Variants in PTPRD observed in about 807,000 individuals in gnomAD.
PTPRD encodes the protein protein tyrosine phosphatase receptor type D.
In PTPRD, 34 loss-of-function variants were observed where a neutral mutation model predicts 214.5. The observed-to-expected ratio is 0.16, with a 90% CI of 0.12 to 0.21. The LOEUF (loss-of-function observed/expected upper bound fraction) is 0.21, where lower values mean the gene tolerates loss of function less well. Ranked by LOEUF, PTPRD falls within the 10% of genes least tolerant of loss-of-function variation. PTPRD has a pLI of 1.00. For missense variants in PTPRD, 2,545 were observed against 2,398.7 expected, an observed-to-expected ratio of 1.06 and a Z score of -1.27; for synonymous variants, 1,128 against 845.7, an observed-to-expected ratio of 1.33 and a Z score of -5.79.
chr9:10,361,023 A>AAC (rs2097374624), intron 2 of PTPRD, among the ~76,000 whole-genome samples: 2 of 152,124 alleles, frequency 1.3e-5, no homozygotes, highest in Non-Finnish European at 2.9e-5. Context: ...AATGGCGTGA[A>AAC]CACGGGAGGC....
intron 11 of PTPRD, among the ~76,000 whole-genome samples, chr9:9,012,597 C>G (rs757353264): frequency 6.6e-5 from 10 of 152,114 alleles, no homozygotes; most frequent in Non-Finnish European, 2.9e-5. Flanking sequence ...AAACTATTTG[C>G]AATGTCTAAT....
intron 11 of PTPRD, among the ~76,000 whole-genome samples, chr9:8,807,721 G>C (rs2096716073): frequency 6.6e-6 from 1 of 151,544 alleles, no homozygotes; most frequent in Non-Finnish European, 1.5e-5. Flanking sequence ...CGTCTTTCAT[G>C]GTTATTCAGA....
intron 4 of PTPRD, among the ~76,000 whole-genome samples, chr9:9,969,378 A>G (rs896419928): frequency 2.0e-5 from 3 of 152,088 alleles, no homozygotes; most frequent in Admixed American, 2.0e-4. Flanking sequence ...ACTCCCACCA[A>G]TAGGGTACCC....
intron 8 of PTPRD, among the ~76,000 whole-genome samples, chr9:9,573,757 C>G (rs2087384515): frequency 6.6e-6 from 1 of 151,796 alleles, no homozygotes; most frequent in Non-Finnish European, 1.5e-5. Context: ...ATTTCACTTT[C>G]CTCCTATATG....
At chr9:8,623,718 C>A (rs879615903) in intron 14 of PTPRD, among the ~76,000 whole-genome samples, 1 of 151,738 alleles carries the variant, frequency 6.6e-6, no homozygotes, top group Non-Finnish European at 1.5e-5. Context: ...CTTCTTATCT[C>A]GACTTGATAG....
intron 2 of PTPRD, among the ~76,000 whole-genome samples, chr9:10,469,777 G>C (rs2099018235): frequency 6.6e-6 from 1 of 151,910 alleles, no homozygotes. Flanking sequence ...ATGAATGAAT[G>C]GATAAAGAAA....
chr9:9,522,848 C>G (rs1448250842), intron 8 of PTPRD, among the ~76,000 whole-genome samples: 1 of 152,106 alleles, frequency 6.6e-6, no homozygotes, highest in Non-Finnish European at 1.5e-5. Context: ...AGGGATTTCT[C>G]CAGCTGTGCC....
intron 12 of PTPRD, among the ~76,000 whole-genome samples, chr9:8,723,937 C>G (rs911777555): frequency 2.6e-5 from 4 of 152,182 alleles, no homozygotes; most frequent in African/African-American, 7.2e-5. Context: ...ACTGTAGTTA[C>G]TGTAAATAAC....
chr9:9,595,478 A>G (rs546074534), intron 7 of PTPRD, among the ~76,000 whole-genome samples: 1 of 150,848 alleles, frequency 6.6e-6, no homozygotes, highest in African/African-American at 2.4e-5. Flanking sequence ...ACACATGCAT[A>G]CACATGTATG....
Position 8,338,861 on chromosome 9 carries a change from G to A in PTPRD, c.5379+61C>T. On this transcript the variant is annotated intron_variant, in intron 43 of 45. Coordinates refer to ENST00000381196, the MANE Select transcript of PTPRD (RefSeq NM_002839.4). ...AGTGCTTCTCCCAGAGAGAGAGAGA[G>A]AGAGGTATCTTAGACTACTTTTCAG... is the stretch of plus-strand genomic sequence containing the variant. 5.3e-6 allele frequency: 8 copies of A among 1,513,116 alleles called. 1 individual carries two copies. In the South Asian group the frequency reaches 1.0e-4, roughly 20 times the overall value. The allele number at this position is 1,513,116 out of a possible 1,614,324, so 93.7% of individuals were successfully genotyped here.
chr9:10,355,627 C>A (rs1419811244), intron 2 of PTPRD, among the ~76,000 whole-genome samples: 2 of 151,898 alleles, frequency 1.3e-5, no homozygotes, highest in African/African-American at 4.8e-5. Context: ...TACAGGCATG[C>A]ACGACCATGT....
At chr9:10,511,148 A>C (rs2047883005) in intron 2 of PTPRD, among the ~76,000 whole-genome samples, 1 of 152,190 alleles carries the variant, frequency 6.6e-6, no homozygotes, top group Admixed American at 6.5e-5. Flanking sequence ...TGTGTATATC[A>C]GAGGTTATTT....
chr9:8,427,836 C>T (rs746876421), intron 35 of PTPRD, among the ~76,000 whole-genome samples: 3 of 151,906 alleles, frequency 2.0e-5, no homozygotes, highest in Non-Finnish European at 4.4e-5. Flanking sequence ...TTGATGGCAT[C>T]GTGCAGTTAT....
At chr9:10,579,839 A>T (rs1174570038) in intron 2 of PTPRD, among the ~76,000 whole-genome samples, 3 of 151,472 alleles carry the variant, frequency 2.0e-5, no homozygotes, top group African/African-American at 7.3e-5. Context: ...TTTGATTTGA[A>T]TTTTTCTGGT....
intron 8 of PTPRD, among the ~76,000 whole-genome samples, chr9:9,486,180 A>AAAAAAAAAAAC (rs2095626876): frequency 1.5e-5 from 2 of 135,364 alleles, no homozygotes; most frequent in Non-Finnish European, 3.3e-5. Context: ...AAAAAAAAAA[A>AAAAAAAAAAAC]AAAAAGCCTT....
chr9:10,319,685 C>G (rs992550750), intron 3 of PTPRD, among the ~76,000 whole-genome samples: 8 of 151,886 alleles, frequency 5.3e-5, no homozygotes, highest in African/African-American at 1.2e-4. Context: ...AGAAGTATAA[C>G]TACTCATCTA....
chr9:9,889,483 A>G (rs369252874), intron 5 of PTPRD, among the ~76,000 whole-genome samples: 4 of 152,154 alleles, frequency 2.6e-5, no homozygotes, highest in African/African-American at 9.7e-5. Flanking sequence ...AAGGAGTGCA[A>G]AAGGAGGACT....
chr9:8,975,884 T>C (rs1296274624), intron 11 of PTPRD, among the ~76,000 whole-genome samples: 1 of 151,880 alleles, frequency 6.6e-6, no homozygotes, highest in African/African-American at 2.4e-5. Context: ...CATTATATCA[T>C]GACAGCATTT....
chr9:10,265,602 ACT>A (rs1450953587), intron 3 of PTPRD, among the ~76,000 whole-genome samples: 1 of 152,124 alleles, frequency 6.6e-6, no homozygotes, highest in Admixed American at 6.5e-5. Context: ...CAACTACTCA[ACT>A]CTGTCATTGT....
Sources: allele counts gnomAD v4.1 joint callset (sites outside exome capture counted in the v4.1 genomes callset), GRCh38; gene constraint gnomAD v4.1.1; transcripts MANE v1.5; gene names NCBI Gene and HGNC (gene_info 2026-07-23, HGNC 2026-07-21).